STPG2: variants seen among roughly 807,000 people sequenced by gnomAD.
STPG2 encodes the protein sperm tail PG-rich repeat containing 2.
In STPG2, 56 loss-of-function variants were observed where a neutral mutation model predicts 54.2. That is an observed-to-expected ratio of 1.03 (90% CI 0.83 to 1.29). STPG2 has a LOEUF of 1.29. Among genes scored for constraint, STPG2 ranks in the 50% most tolerant of loss-of-function variants. The probability of loss-of-function intolerance (pLI) is 0.00; values close to 1 mark genes in which losing one functional copy is unlikely to be tolerated. For missense variants in STPG2, 596 were observed against 544.9 expected, an observed-to-expected ratio of 1.09 and a Z score of -0.93; for synonymous variants, 200 against 181.8, an observed-to-expected ratio of 1.10 and a Z score of -0.81.
intron 10 of STPG2, among the ~76,000 whole-genome samples, chr4:97,646,106 T>C (rs1326935733): frequency 6.6e-6 from 1 of 152,152 alleles, no homozygotes; most frequent in Non-Finnish European, 1.5e-5. Flanking sequence ...ACAAGCTCTA[T>C]GCTGGTTTAA....
At chr4:97,689,404 T>C (rs1478642020) in intron 10 of STPG2, among the ~76,000 whole-genome samples, 1 of 152,068 alleles carries the variant, frequency 6.6e-6, no homozygotes, top group African/African-American at 2.4e-5. Context: ...TTTACTTCTC[T>C]CTCTCTTACT....
chr4:98,088,290 C>T (rs1331537441), intron 5 of STPG2, among the ~76,000 whole-genome samples: 2 of 152,158 alleles, frequency 1.3e-5, no homozygotes, highest in Non-Finnish European at 2.9e-5. Flanking sequence ...GCCTATCTCA[C>T]TCAATATAGC....
rs1484946868 is a variant in STPG2, at chr4:97,712,755, C to T, written c.1264G>A (p.Ala422Thr). The change falls in exon 10 of 11, where the codon GCA (alanine) becomes ACA (threonine). Residue 422 changes from alanine (A) to threonine (T), a missense_variant. Physicochemically the swap from Ala to Thr is moderately conservative, Grantham distance 58. Coordinates refer to ENST00000295268, the MANE Select transcript of STPG2 (RefSeq NM_174952.3). ...KSCPIPLFVKASKRFEESKEI... is the reference protein window; with the variant it reads ...KSCPIPLFVKTSKRFEESKEI... ...TTGGACTCTTCAAAGCGCTTTGATG[C>T]TTTCACAAATAAGGGTATGGGGCAA... 3.1e-6 allele frequency: 5 copies of T among 1,609,784 alleles called. No homozygotes were observed. Among genetic ancestry groups the T allele is most frequent in the East Asian group, 2.2e-5 (1 of 44,638 alleles).
intron 10 of STPG2, among the ~76,000 whole-genome samples, chr4:97,641,404 A>G (rs914515224): frequency 2.0e-4 from 30 of 150,116 alleles, no homozygotes; most frequent in African/African-American, 6.5e-4. Context: ...TTAATGATAC[A>G]TCATAGCACT....
At chr4:98,073,082 T>C (rs1237001707) in intron 5 of STPG2, among the ~76,000 whole-genome samples, 1 of 152,224 alleles carries the variant, frequency 6.6e-6, no homozygotes, top group Non-Finnish European at 1.5e-5. Flanking sequence ...TATTCATTCA[T>C]TCATGCTGCT....
chr4:97,573,713 A>G (rs1334819187), intron 10 of STPG2, among the ~76,000 whole-genome samples: 3 of 152,142 alleles, frequency 2.0e-5, no homozygotes, highest in Non-Finnish European at 4.4e-5. Flanking sequence ...ATATCCACAT[A>G]TATTAATTAT....
chr4:97,934,732 T>A (rs1357876075), intron 8 of STPG2, among the ~76,000 whole-genome samples: 1 of 152,208 alleles, frequency 6.6e-6, no homozygotes, highest in South Asian at 2.1e-4. Flanking sequence ...GTGGATAAGC[T>A]TTTTGATGTG....
intron 8 of STPG2, among the ~76,000 whole-genome samples, chr4:97,906,142 G>T (rs548771467): frequency 6.6e-6 from 1 of 152,240 alleles, no homozygotes; most frequent in Non-Finnish European, 1.5e-5. Context: ...GAAAAAAAGA[G>T]AGAAGAATCA....
intron 10 of STPG2, among the ~76,000 whole-genome samples, chr4:97,701,901 C>G (rs1696543389): frequency 6.6e-6 from 1 of 152,160 alleles, no homozygotes; most frequent in South Asian, 2.1e-4. Flanking sequence ...CAATTACTCC[C>G]ATTATATTTA....
At chr4:97,496,367 G>T (rs552710362) in intron 4 of STPG2, among the ~76,000 whole-genome samples, 2 of 151,756 alleles carry the variant, frequency 1.3e-5, no homozygotes, top group South Asian at 2.1e-4. Context: ...TCAGGGAAAA[G>T]AATTTATTAA....
chr4:98,012,260 A>T (rs1045600101), intron 5 of STPG2, among the ~76,000 whole-genome samples: 1 of 152,118 alleles, frequency 6.6e-6, no homozygotes, highest in African/African-American at 2.4e-5. Flanking sequence ...AGATGGTTGT[A>T]GATGTGTGGT....
chr4:97,791,566 A>T (rs904028127), intron 9 of STPG2, among the ~76,000 whole-genome samples: 3 of 152,150 alleles, frequency 2.0e-5, no homozygotes, highest in Admixed American at 6.5e-5. Flanking sequence ...TCTCAAGCTG[A>T]TAAGTTTTCC....
chr4:97,481,282 T>A (rs1263435389), intron 4 of STPG2, among the ~76,000 whole-genome samples: 1 of 151,586 alleles, frequency 6.6e-6, no homozygotes, highest in African/African-American at 2.4e-5. Context: ...ATATCTGTAA[T>A]TATAGAGTAT....
intron 10 of STPG2, among the ~76,000 whole-genome samples, chr4:97,586,075 A>T (rs1195059223): frequency 6.6e-6 from 1 of 151,982 alleles, no homozygotes; most frequent in Non-Finnish European, 1.5e-5. Flanking sequence ...AAATGATTCA[A>T]CAATCAATTG....
At chr4:97,856,402 A>G (rs1212143338) in intron 8 of STPG2, among the ~76,000 whole-genome samples, 3 of 152,024 alleles carry the variant, frequency 2.0e-5, no homozygotes, top group Non-Finnish European at 2.9e-5. Context: ...ATTCCTAGGT[A>G]TTTTATTCCC....
chr4:97,903,311 G>A (rs1456748496), intron 8 of STPG2, among the ~76,000 whole-genome samples: 2 of 152,020 alleles, frequency 1.3e-5, no homozygotes, highest in African/African-American at 4.8e-5. Context: ...GCATATATGT[G>A]TGTATCTCAA....
At chr4:98,066,589 TA>T (rs35983475) in intron 5 of STPG2, among the ~76,000 whole-genome samples, 59,785 of 151,004 alleles carry the variant, frequency 0.4, 12,012 homozygotes, top group Middle Eastern at 0.46. Flanking sequence ...ACTCCATCTT[TA>T]AAAAAAAATA....
intron 3 of STPG2, among the ~76,000 whole-genome samples, chr4:98,117,645 A>G (rs893387660): frequency 1.3e-5 from 2 of 152,044 alleles, no homozygotes; most frequent in Admixed American, 6.6e-5. Context: ...AGACTGCATA[A>G]TATCAATTGA....
chr4:98,105,206 G>A (rs1739155571), intron 5 of STPG2, among the ~76,000 whole-genome samples: 1 of 152,174 alleles, frequency 6.6e-6, no homozygotes, highest in African/African-American at 2.4e-5. Context: ...TAAATTTACT[G>A]TGATTCTGGG....
Sources: gnomAD v4.1 joint callset for allele counts (sites outside exome capture counted in the v4.1 genomes callset) on GRCh38, gnomAD v4.1.1 for gene constraint, MANE v1.5 for transcripts, NCBI Gene and HGNC (gene_info 2026-07-23, HGNC 2026-07-21) for gene names.